The following ARHGAP23 variants were observed in gnomAD, a reference collection of about 807,000 sequenced individuals.
The protein encoded by ARHGAP23 is rho GTPase-activating protein 23.
In ARHGAP23, 34 loss-of-function variants were observed where a neutral mutation model predicts 136.3. That is an observed-to-expected ratio of 0.25 (90% CI 0.19 to 0.33). The LOEUF (loss-of-function observed/expected upper bound fraction) is 0.33. ARHGAP23 is among the 10% of genes least tolerant of loss of function. The probability of loss-of-function intolerance (pLI) is 1.00; values close to 1 mark genes in which losing one functional copy is unlikely to be tolerated. For synonymous variants in ARHGAP23, 832 were observed against 920.5 expected, an observed-to-expected ratio of 0.90 and a Z score of 1.74; for missense variants, 1,808 against 2,139.0, an observed-to-expected ratio of 0.85 and a Z score of 3.05.
intron 1 of ARHGAP23, chr17:38,457,545 C>T (rs1235352291): frequency 6.0e-6 from 1 of 165,428 alleles, no homozygotes; most frequent in Admixed American, 5.7e-5. Flanking sequence ...AAAGTGTGCA[C>T]ATGTGTACTC....
chr17:38,426,901 C>T (rs1305933342), upstream of ARHGAP23, among the ~76,000 whole-genome samples: 1 of 152,164 alleles, frequency 6.6e-6, no homozygotes. Flanking sequence ...GGGTGGAGGT[C>T]TTGGGGCTGC....
intron 1 of ARHGAP23, among the ~76,000 whole-genome samples, chr17:38,449,343 T>A (rs1209325010): frequency 6.6e-6 from 1 of 152,200 alleles, no homozygotes; most frequent in Non-Finnish European, 1.5e-5. Context: ...CCCCTACCCG[T>A]GGGCCAGACA....
Position 38,510,822 on chromosome 17 carries a change from CAAG to C in ARHGAP23, c.4327_4329del (p.Lys1443del). 14 of 1,508,752 alleles carry C rather than the reference CAAG, an allele frequency of 9.3e-6. No homozygotes were observed. The highest frequency in any genetic ancestry group is 1.2e-5 in the Non-Finnish European group (14 of 1,132,894). 93.5% of individuals were successfully genotyped at this position (1,508,752 alleles called of 1,614,324 possible). ...CGGGCGCGCGGGCGCACAGTGACAA[CAAG>C]GACTCCGGACTCAGCAGCCTGGAGT... On this transcript the variant is annotated inframe_deletion, in exon 24 of 24. Coordinates refer to ENST00000622683, the MANE Select transcript of ARHGAP23 (RefSeq NM_001199417.2). This position sits in a 1 kb window ranked among gnomAD's most constrained non-coding sequence, Gnocchi z 4.6.
chr17:38,482,585 A>T lies in ARHGAP23; in HGVS notation c.2814A>T (p.Thr938=). 1 of 1,550,276 alleles carries T rather than the reference A, an allele frequency of 6.5e-7. No homozygotes were observed. The highest frequency in any genetic ancestry group is 8.7e-7 in the Non-Finnish European group (1 of 1,146,612). The part of the protein sequence containing the change: ...RIVEARGLES[T]GIYRVPGNNA... ...TGGAGGCACGAGGGCTGGAGTCCAC[A>T]GGCATTTACCGAGTGCCCGGCAACA... Residue 938 remains threonine, a synonymous_variant, in exon 16 of 24, where the codon ACA becomes ACT. Transcript: ENST00000622683.
intron 1 of ARHGAP23, among the ~76,000 whole-genome samples, chr17:38,422,208 G>C (rs958460114): frequency 6.6e-6 from 1 of 152,222 alleles, no homozygotes; most frequent in Admixed American, 6.5e-5. Flanking sequence ...TAGCCTCTCT[G>C]TGTCTGTTTC....
intron 22 of ARHGAP23, chr17:38,499,090 T>C: frequency 1.5e-6 from 1 of 651,192 alleles, no homozygotes; most frequent in Admixed American, 2.2e-5. Context: ...CTGCCTGTTA[T>C]CCACTTACCC....
At chr17:38,438,392 G>A (rs569567442) in intron 1 of ARHGAP23, among the ~76,000 whole-genome samples, 1 of 151,966 alleles carries the variant, frequency 6.6e-6, no homozygotes, top group African/African-American at 2.4e-5. Context: ...AGAAGGGTGT[G>A]CCAGGCAGAG....
At chr17:38,459,573 T>TGC (rs199824144) in intron 2 of ARHGAP23, among the ~76,000 whole-genome samples, 1,929 of 152,296 alleles carry the variant, frequency 0.013, 51 homozygotes, top group African/African-American at 0.045. Context: ...CCCCTCCTGC[T>TGC]GCCCCCAGCA....
chr17:38,488,014 A>T (rs2040195678), intron 17 of ARHGAP23, among the ~76,000 whole-genome samples: 1 of 152,078 alleles, frequency 6.6e-6, no homozygotes, highest in South Asian at 2.1e-4. Flanking sequence ...TGATCCTCCC[A>T]TCTCAGCCTC....
chr17:38,463,314 G>C lies in ARHGAP23; in HGVS notation c.429-14G>C. ...GTTCCTTGACCCAGCCTGACGTTCT[G>C]CCTGTCTCTGTAGTGATGACACTCT... is the stretch of plus-strand genomic sequence containing the variant. On this transcript the variant is annotated splice_polypyrimidine_tract_variant and intron_variant, in intron 5 of 23. Transcript: ENST00000622683. 1 of 1,551,646 alleles carries C rather than the reference G, an allele frequency of 6.4e-7. No homozygotes were observed. Among genetic ancestry groups the C allele is most frequent in the South Asian group, 1.2e-5 (1 of 84,058 alleles).
At chr17:38,503,796 C>T (rs2040571659) in intron 23 of ARHGAP23, among the ~76,000 whole-genome samples, 1 of 152,222 alleles carries the variant, frequency 6.6e-6, no homozygotes, top group African/African-American at 2.4e-5. Flanking sequence ...ACGTGCTTTT[C>T]AGAGAGTACG....
At chr17:38,441,951 C>T (rs34941511) in intron 1 of ARHGAP23, among the ~76,000 whole-genome samples, 3,977 of 151,924 alleles carry the variant, frequency 0.026, 71 homozygotes, top group Non-Finnish European at 0.037. Flanking sequence ...TTCCCCACCC[C>T]TTTCTCCCCC....
At chr17:38,464,124 G>A (rs901684746) in intron 6 of ARHGAP23, among the ~76,000 whole-genome samples, 3 of 152,058 alleles carry the variant, frequency 2.0e-5, no homozygotes, top group Admixed American at 6.6e-5. Flanking sequence ...CAAACACCGC[G>A]GCATCCTCCT....
chr17:38,427,155 A>G (rs1309700717), upstream of ARHGAP23, among the ~76,000 whole-genome samples: 1 of 151,466 alleles, frequency 6.6e-6, no homozygotes, highest in Admixed American at 6.6e-5. Context: ...AGAATTTTCT[A>G]GCTATTTTCT....
At chr17:38,427,725 G>T (rs1567767837), upstream of ARHGAP23, among the ~76,000 whole-genome samples, 1 of 152,172 alleles carries the variant, frequency 6.6e-6, no homozygotes, top group Non-Finnish European at 1.5e-5. Flanking sequence ...CTGGGTGGGG[G>T]TCCGAAGGGC....
chr17:38,420,048 G>C (rs1386640908), intron 1 of ARHGAP23, among the ~76,000 whole-genome samples: 1 of 152,182 alleles, frequency 6.6e-6, no homozygotes, highest in South Asian at 2.1e-4. Context: ...TTTTGGGAGG[G>C]GGGTGCTGCC....
chr17:38,473,103 A>ATTTTTTTTTTT (rs59594005), intron 11 of ARHGAP23, among the ~76,000 whole-genome samples: 6 of 129,936 alleles, frequency 4.6e-5, no homozygotes, highest in Admixed American at 7.9e-5. Flanking sequence ...AACCCGGCTA[A>ATTTTTTTTTTT]TTTTTTTTTT....
intron 21 of ARHGAP23, 98 bp downstream of exon 21, chr17:38,497,924 G>A: frequency 7.8e-7 from 1 of 1,288,912 alleles, no homozygotes; most frequent in Non-Finnish European, 1.1e-6. Flanking sequence ...GCCGGGGAAG[G>A]TGTCTGTCCT....
intron 10 of ARHGAP23, among the ~76,000 whole-genome samples, 180 bp downstream of exon 10, chr17:38,470,084 A>G (rs959503182): frequency 6.6e-6 from 1 of 152,060 alleles, no homozygotes; most frequent in Non-Finnish European, 1.5e-5. Flanking sequence ...GTGGGCCCCG[A>G]CATCCCTGAA....
Sources: gnomAD v4.1 joint callset for allele counts (sites outside exome capture counted in the v4.1 genomes callset) on GRCh38, gnomAD v4.1.1 for gene constraint, Gnocchi (gnomAD v3.1) non-coding constraint, MANE v1.5 for transcripts, NCBI Gene and HGNC (gene_info 2026-07-23, HGNC 2026-07-21) for gene names.